The following MOB3B variants were observed in gnomAD, a reference collection of about 807,000 sequenced individuals.
MOB3B encodes MOB kinase activator-like 2B.
Under a neutral mutation model 18.7 loss-of-function variants are expected in MOB3B, and 7 were observed. That is an observed-to-expected ratio of 0.37 (90% CI 0.21 to 0.70). The LOEUF is 0.70. Among genes scored for constraint, MOB3B ranks in the 30% least tolerant of loss-of-function variants. MOB3B has a pLI of 0.52. For synonymous variants in MOB3B, 111 were observed against 99.9 expected, an observed-to-expected ratio of 1.11 and a Z score of -0.66; for missense variants, 253 against 281.3, an observed-to-expected ratio of 0.90 and a Z score of 0.72.
chr9:27,353,535 C>T (rs1821139187), intron 3 of MOB3B, among the ~76,000 whole-genome samples: 1 of 152,160 alleles, frequency 6.6e-6, no homozygotes, highest in Admixed American at 6.5e-5. Context: ...AGCAGCTCTA[C>T]AAGGTAGGTG....
At chr9:27,357,041 T>C (rs1000265222) in intron 3 of MOB3B, among the ~76,000 whole-genome samples, 2 of 147,288 alleles carry the variant, frequency 1.4e-5, no homozygotes, top group African/African-American at 5.0e-5. Context: ...GAAAATAGGC[T>C]CTTTTTAAAG....
chr9:27,403,953 CTT>C (rs1483404691), intron 2 of MOB3B, among the ~76,000 whole-genome samples: 1 of 152,152 alleles, frequency 6.6e-6, no homozygotes. Context: ...AAATTCCACT[CTT>C]TTAGTTATTT....
intron 1 of MOB3B, among the ~76,000 whole-genome samples, chr9:27,520,999 C>G (rs936080097): frequency 6.6e-6 from 1 of 152,100 alleles, no homozygotes; most frequent in Non-Finnish European, 1.5e-5. Flanking sequence ...TGTATGCCAA[C>G]CATCTTTCCT....
At chr9:27,401,906 G>A (rs1321338078) in intron 2 of MOB3B, among the ~76,000 whole-genome samples, 2 of 152,146 alleles carry the variant, frequency 1.3e-5, no homozygotes. Flanking sequence ...TACTAGGTGG[G>A]TATTATGCTC....
At chr9:27,357,144 A>ATATATG (rs1486801059) in intron 3 of MOB3B, among the ~76,000 whole-genome samples, 23 of 80,972 alleles carry the variant, frequency 2.8e-4, no homozygotes, top group African/African-American at 7.5e-4. Flanking sequence ...ATATATATAT[A>ATATATG]TGTGTTTTTT....
chr9:27,476,346 G>T (rs1212862129), intron 1 of MOB3B, among the ~76,000 whole-genome samples: 2 of 152,168 alleles, frequency 1.3e-5, no homozygotes, highest in Admixed American at 6.5e-5. Flanking sequence ...TCATGTTTCC[G>T]TCTTTGTTTC....
intron 2 of MOB3B, among the ~76,000 whole-genome samples, chr9:27,427,677 T>A (rs1249635796): frequency 6.6e-6 from 1 of 152,236 alleles, no homozygotes; most frequent in Admixed American, 6.5e-5. Context: ...ATTCTATTCA[T>A]ATTTTTTGCC....
intron 1 of MOB3B, among the ~76,000 whole-genome samples, chr9:27,483,436 T>C (rs919242329): frequency 2.6e-5 from 4 of 152,178 alleles, no homozygotes; most frequent in African/African-American, 7.2e-5. Context: ...CCGGCCAATA[T>C]ATGGTACTTC....
rs141660681 is a variant in MOB3B at position 27,524,599 on chromosome 9, A to G, written c.-199+4956T>C. The G allele has an allele frequency of 4.9e-4, 795 of 1,614,164 alleles. 1 individual carries two copies. The African/African-American group carries it at 6.8e-3, about 14-fold the overall frequency. On this transcript the variant is annotated intron_variant, in intron 1 of 3. Transcript: ENST00000262244. Reference sequence around the variant, plus strand: ...AAGAGGGACATCAAGAAGGCCTTCTATGAAATGTCCCTACAGGCCTTCAAC... The same window carrying G: ...AAGAGGGACATCAAGAAGGCCTTCTGTGAAATGTCCCTACAGGCCTTCAAC...
At chr9:27,458,165 A>AG (rs1454536195) in intron 1 of MOB3B, among the ~76,000 whole-genome samples, 1 of 152,162 alleles carries the variant, frequency 6.6e-6, no homozygotes, top group African/African-American at 2.4e-5. Flanking sequence ...TCTGATAATG[A>AG]GGGTACCATC....
intron 1 of MOB3B, among the ~76,000 whole-genome samples, chr9:27,510,403 CAT>C (rs1443145952): frequency 3.3e-5 from 5 of 152,164 alleles, no homozygotes; most frequent in African/African-American, 1.2e-4. Flanking sequence ...TCTTTTCTAA[CAT>C]TGTCTTCTTT....
chr9:27,426,511 T>A (rs1241528925), intron 2 of MOB3B, among the ~76,000 whole-genome samples: 1 of 152,120 alleles, frequency 6.6e-6, no homozygotes, highest in Admixed American at 6.5e-5. Context: ...GTGAAGTGAA[T>A]CTTTTGTTTG....
chr9:27,418,462 A>G (rs1781340392), intron 2 of MOB3B, among the ~76,000 whole-genome samples: 1 of 152,192 alleles, frequency 6.6e-6, no homozygotes, highest in Admixed American at 6.5e-5. Flanking sequence ...ACCAAATCCA[A>G]CAACATATCA....
Position 27,441,199 on chromosome 9 carries a change from A to G in MOB3B, c.418+13934T>C, listed in dbSNP as rs184649990. Among the ~76,000 whole-genome samples the G allele has an allele frequency of 1.4e-3, 211 of 152,360 alleles. 1 individual carries two copies. Among genetic ancestry groups the G allele is most frequent in the African/African-American group, 4.9e-3 (204 of 41,596 alleles). On this transcript the variant is annotated intron_variant, in intron 2 of 3. Coordinates refer to ENST00000262244, the MANE Select transcript of MOB3B (RefSeq NM_024761.5). ...TACCGTAACTAAGCACTTACCATGC[A>G]CTGTGGCCATAACTTTTGCAGTTTG...
At chr9:27,416,543 A>ATTTTTTT (rs1563863338) in intron 2 of MOB3B, among the ~76,000 whole-genome samples, 4 of 74,318 alleles carry the variant, frequency 5.4e-5, no homozygotes, top group Non-Finnish European at 1.1e-4. Context: ...ATTTCTTTTT[A>ATTTTTTT]ATTTTTTTTT....
intron 2 of MOB3B, among the ~76,000 whole-genome samples, chr9:27,394,794 T>C (rs536448241): frequency 6.6e-6 from 1 of 152,286 alleles, no homozygotes; most frequent in African/African-American, 2.4e-5. Context: ...AAAGTAAACA[T>C]ACTTTTTAAT....
intron 2 of MOB3B, among the ~76,000 whole-genome samples, chr9:27,372,075 C>T (rs1213280575): frequency 6.6e-6 from 1 of 152,062 alleles, no homozygotes; most frequent in Non-Finnish European, 1.5e-5. Context: ...ATCTTGGTTT[C>T]CAACATCATT....
intron 3 of MOB3B, among the ~76,000 whole-genome samples, chr9:27,340,195 G>GGT (rs1427595731): frequency 5.9e-5 from 9 of 152,002 alleles, no homozygotes; most frequent in Admixed American, 1.3e-4. Flanking sequence ...ACGATGGAGG[G>GGT]GTGCGTGTGT....
At chr9:27,437,187 T>G (rs1822518041) in intron 2 of MOB3B, among the ~76,000 whole-genome samples, 1 of 152,146 alleles carries the variant, frequency 6.6e-6, no homozygotes. Flanking sequence ...GGGAAGATAC[T>G]GCACTTTAGA....
Sources: allele counts gnomAD v4.1 joint callset (sites outside exome capture counted in the v4.1 genomes callset), GRCh38; gene constraint gnomAD v4.1.1; transcripts MANE v1.5; gene names NCBI Gene and HGNC (gene_info 2026-07-23, HGNC 2026-07-21).